The following RBPJ variants were observed in gnomAD, a reference collection of about 807,000 sequenced individuals.
RBPJ encodes recombining binding protein suppressor of hairless.
RBPJ carries 9 observed loss-of-function variants against 67.8 expected under a neutral mutation model. The ratio of observed to expected loss-of-function variants is 0.13; its 90% CI spans 0.08 to 0.23. The LOEUF (loss-of-function observed/expected upper bound fraction) is 0.23. RBPJ is among the 10% of genes least tolerant of loss of function. The pLI, the probability that RBPJ is intolerant of heterozygous loss-of-function variation, is 1.00. For missense variants in RBPJ, 305 were observed against 595.6 expected, an observed-to-expected ratio of 0.51 and a Z score of 5.08; for synonymous variants, 198 against 203.3, an observed-to-expected ratio of 0.97 and a Z score of 0.22.
intron 1 of RBPJ, among the ~76,000 whole-genome samples, chr4:26,332,596 C>T (rs1347112044): frequency 6.6e-6 from 1 of 152,006 alleles, no homozygotes; most frequent in African/African-American, 2.4e-5. Context: ...ATAAAATAAT[C>T]ATCTTGATTA....
At chr4:26,348,473 C>CTT (rs978724889) in intron 1 of RBPJ, among the ~76,000 whole-genome samples, 1 of 152,054 alleles carries the variant, frequency 6.6e-6, no homozygotes, top group African/African-American at 2.4e-5. Context: ...ACATCAATTT[C>CTT]TTTTTCTTTT....
At chr4:26,235,421 T>G (rs1357876421) in intron 1 of RBPJ, among the ~76,000 whole-genome samples, 1 of 152,240 alleles carries the variant, frequency 6.6e-6, no homozygotes, top group Non-Finnish European at 1.5e-5. Flanking sequence ...GCCAAGAACT[T>G]ATGTCTTTAC....
At chr4:26,296,634 A>C (rs1045422548) in intron 1 of RBPJ, among the ~76,000 whole-genome samples, 1 of 152,160 alleles carries the variant, frequency 6.6e-6, no homozygotes, top group Non-Finnish European at 1.5e-5. Flanking sequence ...ATTCATGTTT[A>C]TATTCTATTT....
intron 1 of RBPJ, among the ~76,000 whole-genome samples, chr4:26,268,340 T>C (rs907625616): frequency 6.6e-6 from 1 of 152,184 alleles, no homozygotes; most frequent in African/African-American, 2.4e-5. Context: ...TATTGGAAAT[T>C]GGGCTGTTTT....
intron 1 of RBPJ, among the ~76,000 whole-genome samples, chr4:26,198,728 C>G (rs750188500): frequency 1.3e-5 from 2 of 152,162 alleles, no homozygotes; most frequent in Non-Finnish European, 2.9e-5. Flanking sequence ...ATCCAGGCCA[C>G]CAGCCTCTAG....
intron 1 of RBPJ, among the ~76,000 whole-genome samples, chr4:26,202,973 GGAAGGA>G (rs1718037860): frequency 8.4e-5 from 1 of 11,842 alleles, no homozygotes; most frequent in South Asian, 2.4e-3. Context: ...AAGGAAATAA[GGAAGGA>G]AGGAAGGAAG....
the RBPJ span, among the ~76,000 whole-genome samples, chr4:26,154,535 C>T: frequency 3.8e-4 from 58 of 152,332 alleles, no homozygotes; most frequent in African/African-American, 1.3e-3. Context: ...GAAGTGCTAT[C>T]TGATCTTATT....
intron 1 of RBPJ, among the ~76,000 whole-genome samples, chr4:26,336,253 G>T (rs1724824902): frequency 6.6e-6 from 1 of 152,144 alleles, no homozygotes; most frequent in Non-Finnish European, 1.5e-5. Flanking sequence ...CCAAACTCTA[G>T]TTCTTTTCTT....
chr4:26,240,491 A>T (rs950092486), intron 1 of RBPJ, among the ~76,000 whole-genome samples: 1 of 152,194 alleles, frequency 6.6e-6, no homozygotes, highest in Non-Finnish European at 1.5e-5. Context: ...AAAGTGCCAG[A>T]TGTAGGATTA....
At chr4:26,429,306 C>T (rs1735984629) in intron 8 of RBPJ, among the ~76,000 whole-genome samples, 1 of 152,178 alleles carries the variant, frequency 6.6e-6, no homozygotes, top group East Asian at 1.9e-4. Flanking sequence ...TTTACATTTA[C>T]TCAGAAGGCT....
intron 1 of RBPJ, among the ~76,000 whole-genome samples, chr4:26,201,890 T>C (rs1181992703): frequency 6.6e-6 from 1 of 152,170 alleles, no homozygotes; most frequent in Admixed American, 6.5e-5. Flanking sequence ...GCCCTGGCCC[T>C]CCATCCATCA....
intron 2 of RBPJ, among the ~76,000 whole-genome samples, chr4:26,399,428 C>G (rs1732521955): frequency 6.6e-6 from 1 of 152,088 alleles, no homozygotes; most frequent in Non-Finnish European, 1.5e-5. Context: ...ATTGGCATAA[C>G]TAGTAAAAGT....
intron 2 of RBPJ, among the ~76,000 whole-genome samples, chr4:26,393,381 G>A (rs757200642): frequency 1.8e-4 from 28 of 151,434 alleles, no homozygotes; most frequent in Non-Finnish European, 2.9e-5. Flanking sequence ...GCCTTTTTTT[G>A]TTTTGTTTTG....
chr4:26,321,080 C>T (rs553580585), intron 1 of RBPJ, 32 bp downstream of exon 1: 25 of 1,552,700 alleles, frequency 1.6e-5, no homozygotes, highest in South Asian at 5.6e-5. Flanking sequence ...CGCCGGGAAC[C>T]GGGAAAGTTG....
chr4:26,343,548 GTTTA>G (rs1237556631), intron 1 of RBPJ, among the ~76,000 whole-genome samples: 12 of 150,700 alleles, frequency 8.0e-5, no homozygotes, highest in Admixed American at 7.9e-4. Flanking sequence ...TTGTTTGTTT[GTTTA>G]TTGTTTTTTT....
chr4:26,371,442 G>A (rs1729151058), intron 1 of RBPJ, among the ~76,000 whole-genome samples: 1 of 152,162 alleles, frequency 6.6e-6, no homozygotes, highest in Non-Finnish European at 1.5e-5. Context: ...GGGCATGTAT[G>A]CTATTAAGAA....
In RBPJ at chr4:26,342,289, T is replaced by C. The variant is rs538919400; in HGVS notation, c.20+21241T>C. 2.0e-3 allele frequency among the ~76,000 whole-genome samples: 282 copies of C among 141,162 alleles called. 1 individual carries two copies. Among genetic ancestry groups the C allele is most frequent in the African/African-American group, 6.6e-3 (257 of 39,110 alleles). 92.6% of individuals were successfully genotyped at this position (141,162 alleles called of 152,430 possible). A position where few individuals can be genotyped will look rare whatever the true frequency, so the allele number is the denominator to read the frequency against. ...TCAAAAAAAAAAAAAAAAAAGGGAA[T>C]GTGGTGTTTAGTAGCCAGGAGGTCT... On this transcript the variant is annotated intron_variant, in intron 1 of 10. Transcript: ENST00000355476.
chr4:26,415,439 GCTT>G (rs770502908), intron 3 of RBPJ, 33 bp from the exon 4 acceptor site: 875 of 1,467,570 alleles, frequency 6.0e-4, no homozygotes, highest in Non-Finnish European at 5.1e-4. Flanking sequence ...ATTGATTTTT[GCTT>G]CTTGTTTTTT....
chr4:26,145,625 T>C, the RBPJ span, among the ~76,000 whole-genome samples: 676 of 152,346 alleles, frequency 4.4e-3, 6 homozygotes, highest in Admixed American at 0.018. Context: ...TCTAAAATGC[T>C]GGGTGGGAAG....
Sources: allele counts gnomAD v4.1 joint callset (sites outside exome capture counted in the v4.1 genomes callset), GRCh38; gene constraint gnomAD v4.1.1; transcripts MANE v1.5; gene names NCBI Gene and HGNC (gene_info 2026-07-23, HGNC 2026-07-21).